Variants in MDGA2 observed in about 807,000 individuals in gnomAD.
MDGA2 encodes MAM domain containing glycosylphosphatidylinositol anchor 2, also known as MAM domain-containing glycosylphosphatidylinositol anchor protein 2.
MDGA2 carries 40 observed loss-of-function variants against 117.8 expected under a neutral mutation model. The observed-to-expected ratio is 0.34, with a 90% CI of 0.26 to 0.44. The LOEUF (loss-of-function observed/expected upper bound fraction) is 0.44, where lower values mean the gene tolerates loss of function less well. Ranked by LOEUF, MDGA2 falls within the 20% of genes least tolerant of loss-of-function variation. The probability of loss-of-function intolerance (pLI) is 1.00; values close to 1 mark genes in which losing one functional copy is unlikely to be tolerated. For missense variants in MDGA2, 1,123 were observed against 1,250.6 expected (o/e 0.90, Z 1.54); for synonymous variants, 452 against 439.0 (o/e 1.03, Z -0.37).
At chr14:47,378,628 T>A (rs974399289) in intron 1 of MDGA2, among the ~76,000 whole-genome samples, 1 of 151,780 alleles carries the variant, frequency 6.6e-6, no homozygotes, top group Non-Finnish European at 1.5e-5. Context: ...TGATTGAAGA[T>A]CAAATGAATG....
chr14:46,892,837 TA>T (rs1215073147), intron 10 of MDGA2, among the ~76,000 whole-genome samples: 1 of 151,660 alleles, frequency 6.6e-6, no homozygotes, highest in Non-Finnish European at 1.5e-5. Context: ...ATGACTATTA[TA>T]AAAAAAAGAT....
chr14:46,902,446 G>A (rs1439276759), intron 10 of MDGA2, among the ~76,000 whole-genome samples: 1 of 151,676 alleles, frequency 6.6e-6, no homozygotes, highest in African/African-American at 2.4e-5. Context: ...TCCCAAATAT[G>A]GTTTTATACA....
intron 7 of MDGA2, among the ~76,000 whole-genome samples, chr14:47,041,997 T>C (rs570771928): frequency 2.9e-4 from 44 of 152,020 alleles, no homozygotes; most frequent in African/African-American, 9.2e-4. Flanking sequence ...TAATAAATAA[T>C]ATAATTTTCT....
At chr14:47,317,006 G>A (rs188721300) in intron 1 of MDGA2, among the ~76,000 whole-genome samples, 3 of 152,082 alleles carry the variant, frequency 2.0e-5, no homozygotes, top group African/African-American at 4.8e-5. Flanking sequence ...TTCTCATGTC[G>A]ATAAGCTCCT....
intron 8 of MDGA2, among the ~76,000 whole-genome samples, chr14:47,006,829 C>T (rs114585072): frequency 3.3e-5 from 5 of 151,392 alleles, no homozygotes; most frequent in African/African-American, 9.7e-5. Flanking sequence ...TAAAATAACC[C>T]CCTAGGTCTC....
chr14:47,440,567 G>A (rs1336919505), intron 1 of MDGA2, among the ~76,000 whole-genome samples: 1 of 152,098 alleles, frequency 6.6e-6, no homozygotes, highest in Non-Finnish European at 1.5e-5. Context: ...CTTTTCCAGA[G>A]AAGAGTGAAA....
At chr14:47,123,094 T>C (rs936187975) in intron 5 of MDGA2, among the ~76,000 whole-genome samples, 1 of 152,090 alleles carries the variant, frequency 6.6e-6, no homozygotes, top group African/African-American at 2.4e-5. Flanking sequence ...ATATTTGTAT[T>C]GTGAGATGGC....
At chr14:47,330,709 C>CA (rs144988540) in intron 1 of MDGA2, among the ~76,000 whole-genome samples, 6,205 of 148,712 alleles carry the variant, frequency 0.042, 170 homozygotes, top group African/African-American at 0.078. Context: ...CTACAGCCAC[C>CA]AAAAAAAAAG....
At chr14:46,995,592 A>C (rs998912141) in intron 8 of MDGA2, among the ~76,000 whole-genome samples, 17 of 152,032 alleles carry the variant, frequency 1.1e-4, no homozygotes, top group Non-Finnish European at 5.9e-5. Context: ...AATCCATTAT[A>C]AGAAAATAAG....
At chr14:47,431,304 G>C (rs989332460) in intron 1 of MDGA2, among the ~76,000 whole-genome samples, 3 of 151,776 alleles carry the variant, frequency 2.0e-5, no homozygotes, top group African/African-American at 7.3e-5. Flanking sequence ...CATCAGTTTA[G>C]GGAGGGGAAA....
At chr14:47,534,130 C>T (rs772000945) in intron 1 of MDGA2, among the ~76,000 whole-genome samples, 6 of 152,070 alleles carry the variant, frequency 3.9e-5, no homozygotes, top group Non-Finnish European at 7.4e-5. Context: ...AATAGAAGTT[C>T]AAAGACAGTG....
chr14:47,441,330 T>C (rs1893007285), intron 1 of MDGA2, among the ~76,000 whole-genome samples: 1 of 152,152 alleles, frequency 6.6e-6, no homozygotes, highest in South Asian at 2.1e-4. Context: ...GCAGGCAGAC[T>C]GGTGAGGTTT....
rs1394966172 is a variant in MDGA2, at chr14:47,590,534, T to G, written c.280+83983A>C. The stretch of plus-strand genomic sequence containing the variant: ...AATTGGAGGTCTGTCTTCATTTTAT[T>G]AAATTTAATTATTAAAATACCAAGA... On this transcript the variant is annotated intron_variant, in intron 1 of 16. Transcript: ENST00000399232. 2.6e-5 allele frequency among the ~76,000 whole-genome samples: 4 copies of G among 152,046 alleles called. No homozygotes were observed. In the East Asian group the frequency reaches 7.7e-4, roughly 29 times the overall value.
intron 1 of MDGA2, among the ~76,000 whole-genome samples, chr14:47,332,467 A>T (rs1278315922): frequency 1.3e-5 from 2 of 152,018 alleles, no homozygotes; most frequent in African/African-American, 2.4e-5. Context: ...CTATCAGAAA[A>T]AAAAGAATAG....
chr14:47,537,751 A>C (rs1364666197), intron 1 of MDGA2, among the ~76,000 whole-genome samples: 1 of 152,146 alleles, frequency 6.6e-6, no homozygotes, highest in Non-Finnish European at 1.5e-5. Context: ...GTGCAAAAGA[A>C]TTGTGGTTTA....
chr14:46,882,065 T>C lies in MDGA2; in HGVS notation c.2395A>G (p.Ile799Val). The C allele has an allele frequency of 6.2e-7, 1 of 1,607,674 alleles. No homozygotes were observed. Among genetic ancestry groups the C allele is most frequent in the Non-Finnish European group, 8.5e-7 (1 of 1,176,232 alleles). ...TTACCACTATATTTGATCACACGAA[T>C]TGTTGAATCTCCTTCACCAAATTTG... ...LTKFGEGDST[I>V]RVIKYSAPVN... Residue 799 changes from isoleucine (I) to valine (V), a missense_variant, in exon 11 of 17, where the codon ATT (isoleucine) becomes GTT (valine). By Grantham distance (29) the Ile-to-Val change is conservative (BLOSUM62 3). Around this residue, in one of 2 missense-constraint regions of MDGA2, gnomAD observed 890 missense variants for 1,050.3 expected, o/e 0.85. Transcript: ENST00000399232.
chr14:47,022,954 G>GC (rs1299132443), intron 8 of MDGA2, among the ~76,000 whole-genome samples: 5 of 152,098 alleles, frequency 3.3e-5, no homozygotes, highest in African/African-American at 1.2e-4. Context: ...CTCTGCTGTG[G>GC]AGTGTGGTTA....
chr14:47,647,533 C>A (rs986776707), intron 1 of MDGA2, among the ~76,000 whole-genome samples: 2 of 152,138 alleles, frequency 1.3e-5, no homozygotes, highest in Admixed American at 1.3e-4. Flanking sequence ...CAAAACCCAA[C>A]TGGAGACATA....
At chr14:47,674,392 G>T in intron 1 of MDGA2, 125 bp downstream of exon 1, 1 of 785,590 alleles carries the variant, frequency 1.3e-6, no homozygotes, top group Non-Finnish European at 2.1e-6. Flanking sequence ...CCAATAACGT[G>T]ATGAAGTGTA....
Sources: allele counts gnomAD v4.1 joint callset (sites outside exome capture counted in the v4.1 genomes callset), GRCh38; gene constraint gnomAD v4.1.1; regional missense constraint gnomAD v4.1.1; transcripts MANE v1.5; gene names NCBI Gene and HGNC (gene_info 2026-07-23, HGNC 2026-07-21).